The following FBXL2 variants were observed in gnomAD, a reference collection of about 807,000 sequenced individuals.
The protein encoded by FBXL2 is F-box and leucine rich repeat protein 2.
A neutral mutation model predicts 69.2 loss-of-function variants in FBXL2; 38 were observed. That is an observed-to-expected ratio of 0.55 (90% CI 0.42 to 0.72). The LOEUF is 0.72. Among genes scored for constraint, FBXL2 ranks in the 30% least tolerant of loss-of-function variants. The pLI is 0.00. For missense variants in FBXL2, 354 were observed against 520.3 expected (o/e 0.68, Z 3.11); for synonymous variants, 192 against 201.3 (o/e 0.95, Z 0.39).
At chr3:33,316,125 C>T (rs2037669585) in intron 2 of FBXL2, among the ~76,000 whole-genome samples, 1 of 150,566 alleles carries the variant, frequency 6.6e-6, no homozygotes, top group Non-Finnish European at 1.5e-5. Flanking sequence ...GTGACGTGAT[C>T]TCAGCTCACT....
At chr3:33,416,620 G>T in the FBXL2 span, 2 of 618,828 alleles carry the variant, frequency 3.2e-6, no homozygotes, top group Non-Finnish European at 5.4e-6. Context: ...CCATTTTACA[G>T]GTGAATAAAC....
chr3:33,403,178 G>A (rs909303170), intron 12 of FBXL2: 6 of 337,088 alleles, frequency 1.8e-5, no homozygotes, highest in African/African-American at 4.5e-5. Context: ...ATATGCTTAA[G>A]TATAATTGCT....
At chr3:33,315,234 CTT>C (rs2037574757) in intron 2 of FBXL2, among the ~76,000 whole-genome samples, 1 of 137,388 alleles carries the variant, frequency 7.3e-6, no homozygotes, top group East Asian at 2.0e-4. Context: ...CCTTTTTTTT[CTT>C]TCTTTTTTTT....
In FBXL2 at chr3:33,322,064, A is replaced by ATTTT. The variant is rs34703817; in HGVS notation, c.65+24367_65+24370dup. 2.6e-3 allele frequency among the ~76,000 whole-genome samples: 164 copies of ATTTT among 62,482 alleles called. 22 individuals carry two copies. The highest frequency in any genetic ancestry group is 9.8e-3 in the African/African-American group (129 of 13,150). The allele number at this position is 62,482 out of a possible 152,430, so 41.0% of individuals were successfully genotyped here. A position where few individuals can be genotyped will look rare whatever the true frequency, so the allele number is the denominator to read the frequency against. ...CAAATGTACACGTGGTGACTAGGTG[A>ATTTT]TTTTTTTTTTTTTTTTTTTTTTTTT... is the stretch of plus-strand genomic sequence containing the variant. On this transcript the variant is annotated intron_variant, in intron 2 of 14. Coordinates refer to ENST00000484457, the MANE Select transcript of FBXL2 (RefSeq NM_012157.5).
intron 5 of FBXL2, among the ~76,000 whole-genome samples, chr3:33,371,886 G>A (rs949958991): frequency 2.0e-5 from 3 of 152,144 alleles, no homozygotes; most frequent in African/African-American, 7.2e-5. Flanking sequence ...CACTCCTAAA[G>A]GAAGACTATT....
chr3:33,350,888 A>G (rs1482490247), intron 2 of FBXL2, among the ~76,000 whole-genome samples: 1 of 152,188 alleles, frequency 6.6e-6, no homozygotes, highest in African/African-American at 2.4e-5. Flanking sequence ...TTGGAAAGAG[A>G]TAAAATTGGC....
intron 2 of FBXL2, among the ~76,000 whole-genome samples, chr3:33,346,735 C>T (rs2040466868): frequency 6.6e-6 from 1 of 151,788 alleles, no homozygotes; most frequent in African/African-American, 2.4e-5. Context: ...ACTGAAGTAC[C>T]AAGATCAAAA....
downstream of FBXL2, chr3:33,392,719 A>G (rs531613535): frequency 1.9e-5 from 20 of 1,065,626 alleles, 1 homozygote; most frequent in Middle Eastern, 2.1e-4. Context: ...ACAGGACTCA[A>G]TGGCCAAAAC....
the FBXL2 span, among the ~76,000 whole-genome samples, chr3:33,417,605 C>A: frequency 6.6e-6 from 1 of 152,122 alleles, no homozygotes; most frequent in South Asian, 2.1e-4. Flanking sequence ...TATTAGAAAA[C>A]ACAGATATTC....
chr3:33,319,495 T>G (rs1030780512), intron 2 of FBXL2, among the ~76,000 whole-genome samples: 1 of 152,212 alleles, frequency 6.6e-6, no homozygotes, highest in African/African-American at 2.4e-5. Flanking sequence ...AACACCACTG[T>G]GCTTAGAATG....
At chr3:33,284,619 T>C (rs2034404162) in intron 1 of FBXL2, among the ~76,000 whole-genome samples, 1 of 152,172 alleles carries the variant, frequency 6.6e-6, no homozygotes, top group Admixed American at 6.5e-5. Context: ...TTCTGTCTCA[T>C]TGATCTGTCT....
the FBXL2 span, among the ~76,000 whole-genome samples, chr3:33,412,117 G>A: frequency 6.6e-6 from 1 of 151,346 alleles, no homozygotes; most frequent in East Asian, 1.9e-4. Context: ...AACCCAGGAG[G>A]CGGAGGTTGC....
chr3:33,417,536 A>G, the FBXL2 span, among the ~76,000 whole-genome samples: 2 of 152,134 alleles, frequency 1.3e-5, no homozygotes, highest in Non-Finnish European at 2.9e-5. Context: ...GACTAAACCA[A>G]ATTTTGTTTA....
downstream of FBXL2, among the ~76,000 whole-genome samples, chr3:33,407,413 C>A (rs537206780): frequency 6.6e-6 from 1 of 152,002 alleles, no homozygotes; most frequent in Non-Finnish European, 1.5e-5. Flanking sequence ...AGAATCCCCC[C>A]CAAAGAAGTT....
chr3:33,306,473 T>C (rs2036728976), intron 2 of FBXL2, among the ~76,000 whole-genome samples: 1 of 152,166 alleles, frequency 6.6e-6, no homozygotes, highest in Admixed American at 6.5e-5. Context: ...TGTAGATTTA[T>C]CACCTATATG....
the FBXL2 span, among the ~76,000 whole-genome samples, chr3:33,410,951 T>G: frequency 6.6e-6 from 1 of 151,418 alleles, no homozygotes; most frequent in Admixed American, 6.6e-5. Flanking sequence ...TGCACACCTG[T>G]AATCCCAGCT....
At chr3:33,344,798 A>T (rs2040313875) in intron 2 of FBXL2, among the ~76,000 whole-genome samples, 1 of 152,234 alleles carries the variant, frequency 6.6e-6, no homozygotes, top group South Asian at 2.1e-4. Flanking sequence ...AGATTAATTG[A>T]TAAATTCTTA....
At chr3:33,396,373 C>T in intron 12 of FBXL2, 1 of 920,858 alleles carries the variant, frequency 1.1e-6, no homozygotes, top group Non-Finnish European at 1.6e-6. Context: ...AGTTCTATTT[C>T]CTTATGAGAA....
chr3:33,297,741 T>C lies in FBXL2; in HGVS notation c.65+16T>C. ...TTCTGTTAAGGTAAATGTAGATAAA[T>C]TCTGGATGAAGAGTTTAGATCTGAT... On this transcript the variant is annotated intron_variant, in intron 2 of 14. Coordinates refer to ENST00000484457, the MANE Select transcript of FBXL2 (RefSeq NM_012157.5). 1 of 1,446,772 alleles carries C rather than the reference T, an allele frequency of 6.9e-7. No individual in the cohort carries two copies. The highest frequency in any genetic ancestry group is 9.6e-7 in the Non-Finnish European group (1 of 1,040,234). The allele number at this position is 1,446,772 out of a possible 1,614,324, so 89.6% of individuals were successfully genotyped here. A position where few individuals can be genotyped will look rare whatever the true frequency, so the allele number is the denominator to read the frequency against.
Sources: allele counts gnomAD v4.1 joint callset (sites outside exome capture counted in the v4.1 genomes callset), GRCh38; gene constraint gnomAD v4.1.1; transcripts MANE v1.5; gene names NCBI Gene and HGNC (gene_info 2026-07-23, HGNC 2026-07-21).